NRG3: variants seen among roughly 807,000 people sequenced by gnomAD.
The protein encoded by NRG3 is neuregulin 3, also known as pro-neuregulin-3, membrane-bound isoform.
In NRG3, 31 loss-of-function variants were observed where a neutral mutation model predicts 66.9. The observed-to-expected ratio is 0.46, with a 90% CI of 0.35 to 0.63. The LOEUF (loss-of-function observed/expected upper bound fraction) is 0.63, where lower values mean the gene tolerates loss of function less well. Ranked by LOEUF, NRG3 falls within the 20% of genes least tolerant of loss-of-function variation. NRG3 has a pLI of 0.00. For missense variants in NRG3, 910 were observed against 878.9 expected, an observed-to-expected ratio of 1.04 and a Z score of -0.45; for synonymous variants, 393 against 359.4, an observed-to-expected ratio of 1.09 and a Z score of -1.06.
At chr10:81,925,072 C>T (rs990857445) in intron 1 of NRG3, among the ~76,000 whole-genome samples, 7 of 152,122 alleles carry the variant, frequency 4.6e-5, no homozygotes, top group African/African-American at 1.7e-4. Context: ...AGATTTCTTC[C>T]CTGTTGTGCT....
chr10:82,813,134 G>A (rs187105500), intron 3 of NRG3, among the ~76,000 whole-genome samples: 5 of 149,266 alleles, frequency 3.3e-5, no homozygotes, highest in Middle Eastern at 3.5e-3. Flanking sequence ...ATGTATGAGT[G>A]TTTTGATGAG....
rs1287752814 is a variant in NRG3 at position 82,987,122 on chromosome 10, G to A, written c.*1517G>A. The A allele has an allele frequency of 2.0e-5, 3 of 152,154 alleles. No homozygotes were observed. Among genetic ancestry groups the A allele is most frequent in the Admixed American group, 6.5e-5 (1 of 15,282 alleles). 9.4% of individuals were successfully genotyped at this position (152,154 alleles called of 1,614,324 possible). A position where few individuals can be genotyped will look rare whatever the true frequency, so the allele number is the denominator to read the frequency against. The stretch of plus-strand genomic sequence containing the variant: ...TCCAGTCTTTTTCCAATTATTGGTG[G>A]TGTTGAGTTGTTATGTTTACACTGT... On this transcript the variant is annotated 3_prime_UTR_variant, in exon 9 of 9. Coordinates refer to ENST00000372141, the MANE Select transcript of NRG3 (RefSeq NM_001010848.4).
intron 1 of NRG3, among the ~76,000 whole-genome samples, chr10:81,987,143 A>G (rs2060555881): frequency 6.6e-6 from 1 of 151,928 alleles, no homozygotes; most frequent in South Asian, 2.1e-4. Flanking sequence ...GCTGGAGTGC[A>G]GTGACGCGAT....
chr10:82,308,287 C>G, intron 1 of NRG3, among the ~76,000 whole-genome samples: 1 of 152,078 alleles, frequency 6.6e-6, no homozygotes, highest in South Asian at 2.1e-4. Context: ...CAGGGTTCCA[C>G]CATGTTGGCC....
chr10:82,415,092 A>G (rs913571309), intron 2 of NRG3, among the ~76,000 whole-genome samples: 2 of 152,212 alleles, frequency 1.3e-5, no homozygotes, highest in African/African-American at 4.8e-5. Context: ...AATTGACATT[A>G]AAATTAACCA....
At chr10:82,146,375 G>A (rs575241652) in intron 1 of NRG3, among the ~76,000 whole-genome samples, 11 of 152,120 alleles carry the variant, frequency 7.2e-5, no homozygotes, top group South Asian at 4.1e-4. Context: ...TGTGTTATTC[G>A]CCTCAGCTCC....
intron 2 of NRG3, among the ~76,000 whole-genome samples, chr10:82,538,581 A>G (rs1353444350): frequency 2.0e-5 from 3 of 151,982 alleles, no homozygotes; most frequent in Non-Finnish European, 4.4e-5. Context: ...ATTTATTGCA[A>G]TCTATGTTCC....
Position 82,246,088 on chromosome 10 carries a change from G to T in NRG3, c.824-112651G>T, listed in dbSNP as rs144543954. ...TGAGAGCTAGAGGATAAGATCTTGT[G>T]ATAATAAATTTTTGAGGTTAGTCTC... On this transcript the variant is annotated intron_variant, in intron 1 of 8. Transcript: ENST00000372141. 4.7e-3 allele frequency among the ~76,000 whole-genome samples: 705 copies of T among 149,382 alleles called. 4 individuals carry two copies. The highest frequency in any genetic ancestry group is 0.015 in the African/African-American group (627 of 40,560).
At chr10:82,274,141 TA>T (rs558321351) in intron 1 of NRG3, among the ~76,000 whole-genome samples, 2 of 152,096 alleles carry the variant, frequency 1.3e-5, no homozygotes, top group African/African-American at 2.4e-5. Context: ...ATTTTAAAAT[TA>T]AAAAAATCAT....
intron 1 of NRG3, among the ~76,000 whole-genome samples, chr10:81,933,095 A>G (rs1380455904): frequency 2.7e-5 from 4 of 149,334 alleles, no homozygotes; most frequent in East Asian, 1.9e-4. Flanking sequence ...GCAACAGAGC[A>G]ACGCTCCATC....
chr10:82,010,246 G>T (rs541573833), intron 1 of NRG3, among the ~76,000 whole-genome samples: 70 of 152,280 alleles, frequency 4.6e-4, no homozygotes, highest in Non-Finnish European at 5.9e-5. Context: ...CATTGGCCAA[G>T]GTCATAAACA....
chr10:82,336,296 T>A (rs2082381899), intron 1 of NRG3, among the ~76,000 whole-genome samples: 2 of 152,024 alleles, frequency 1.3e-5, no homozygotes, highest in Admixed American at 6.6e-5. Context: ...AACTTTAAGA[T>A]ATCAAAGAAA....
At chr10:82,032,831 A>G (rs1366482187) in intron 1 of NRG3, among the ~76,000 whole-genome samples, 1 of 152,076 alleles carries the variant, frequency 6.6e-6, no homozygotes, top group Admixed American at 6.6e-5. Flanking sequence ...TCCAAGGCCT[A>G]AGTAGTTTCC....
chr10:82,135,053 G>C (rs1564596807), intron 1 of NRG3, among the ~76,000 whole-genome samples: 2 of 149,262 alleles, frequency 1.3e-5, no homozygotes, highest in African/African-American at 2.5e-5. Context: ...TTGAACCTGG[G>C]AGGTGGAGGT....
chr10:82,522,641 A>G (rs1483164228), intron 2 of NRG3, among the ~76,000 whole-genome samples: 1 of 152,140 alleles, frequency 6.6e-6, no homozygotes, highest in Non-Finnish European at 1.5e-5. Context: ...CAAACCGTCA[A>G]TTTGTAAAAA....
At chr10:82,825,045 T>C (rs1042175011) in intron 3 of NRG3, among the ~76,000 whole-genome samples, 2 of 152,076 alleles carry the variant, frequency 1.3e-5, no homozygotes, top group African/African-American at 4.8e-5. Flanking sequence ...GTTGTCAGAG[T>C]TCTTTATGTA....
At chr10:82,040,930 A>G (rs1370646482) in intron 1 of NRG3, among the ~76,000 whole-genome samples, 2 of 152,122 alleles carry the variant, frequency 1.3e-5, no homozygotes, top group Non-Finnish European at 2.9e-5. Context: ...GCCTTTAGAC[A>G]TGCCCAAAGT....
At chr10:82,591,241 T>G (rs2046964687) in intron 2 of NRG3, among the ~76,000 whole-genome samples, 1 of 152,094 alleles carries the variant, frequency 6.6e-6, no homozygotes, top group South Asian at 2.1e-4. Flanking sequence ...TGCAGCAAAC[T>G]CAATCCAAAA....
chr10:82,862,309 A>G (rs2064172724), intron 3 of NRG3, among the ~76,000 whole-genome samples: 1 of 152,132 alleles, frequency 6.6e-6, no homozygotes, highest in Non-Finnish European at 1.5e-5. Context: ...ATTAGCTACA[A>G]ATTTCTGCCT....
Sources: gnomAD v4.1 joint callset for allele counts (sites outside exome capture counted in the v4.1 genomes callset) on GRCh38, gnomAD v4.1.1 for gene constraint, MANE v1.5 for transcripts, NCBI Gene and HGNC (gene_info 2026-07-23, HGNC 2026-07-21) for gene names.